Variants in CFAP221 observed in about 807,000 individuals in gnomAD.
CFAP221 encodes cilia and flagella associated protein 221.
A neutral mutation model predicts 113.1 loss-of-function variants in CFAP221; 97 were observed. The observed-to-expected ratio is 0.86, with a 90% CI of 0.73 to 1.02. The LOEUF is 1.02. Ranked by LOEUF, CFAP221 falls within the 50% of genes least tolerant of loss-of-function variation. The pLI is 0.00. For synonymous variants in CFAP221, 331 were observed against 354.4 expected (o/e 0.93, Z 0.74); for missense variants, 1,025 against 1,013.4 (o/e 1.01, Z -0.16).
At chr2:119,558,265 A>G (rs963467603) in intron 3 of CFAP221, among the ~76,000 whole-genome samples, 3 of 152,000 alleles carry the variant, frequency 2.0e-5, no homozygotes, top group African/African-American at 4.8e-5. Flanking sequence ...TCATCCCAGG[A>G]CTCTGAGTGT....
At chr2:119,631,210 T>C (rs1165830585) in intron 19 of CFAP221, 1 of 554,402 alleles carries the variant, frequency 1.8e-6, no homozygotes, top group African/African-American at 2.0e-5. Flanking sequence ...TGAATGAAAA[T>C]GAAAACAAAC....
chr2:119,656,268 T>C, intron 23 of CFAP221, 94 bp from the exon 24 acceptor site: 1 of 905,320 alleles, frequency 1.1e-6, no homozygotes, highest in Non-Finnish European at 1.8e-6. Context: ...AACGAAATGC[T>C]CCTCCGACCT....
At chr2:119,641,268 C>T (rs376669380) in intron 21 of CFAP221, among the ~76,000 whole-genome samples, 20 of 152,248 alleles carry the variant, frequency 1.3e-4, no homozygotes, top group South Asian at 8.3e-4. Context: ...GATTAGCATG[C>T]GGTAAACAAA....
At chr2:119,553,194 T>G (rs958860417) in intron 3 of CFAP221, among the ~76,000 whole-genome samples, 4 of 152,090 alleles carry the variant, frequency 2.6e-5, no homozygotes, top group Non-Finnish European at 4.4e-5. Flanking sequence ...AGGAGGGTGT[T>G]GGAGGCGTGT....
Position 119,627,641 on chromosome 2 carries a change from T to A in CFAP221, c.1517-12T>A, listed in dbSNP as rs751657649. 6.2e-7 allele frequency: 1 copy of A among 1,612,194 alleles called. No homozygotes were observed. The highest frequency in any genetic ancestry group is 8.5e-7 in the Non-Finnish European group (1 of 1,179,206). On this transcript the variant is annotated splice_polypyrimidine_tract_variant and intron_variant, in intron 15 of 23. Coordinates refer to ENST00000413369, the MANE Select transcript of CFAP221 (RefSeq NM_001271049.2). ...TAGTACCCCCTAAAAGTGCCCTTTT[T>A]TTCACCCATAGAGGCGAATTTCTTC...
chr2:119,633,010 A>G (rs1458891260), intron 19 of CFAP221, among the ~76,000 whole-genome samples: 1 of 152,122 alleles, frequency 6.6e-6, no homozygotes, highest in Admixed American at 6.5e-5. Flanking sequence ...ATGGAGAAAT[A>G]AACAGATTAA....
Position 119,604,894 on chromosome 2 carries a change from C to G in CFAP221, c.931C>G (p.Leu311Val). The G allele has an allele frequency of 6.2e-7, 1 of 1,614,074 alleles. No individual in the cohort carries two copies. Among genetic ancestry groups the G allele is most frequent in the Non-Finnish European group, 8.5e-7 (1 of 1,179,990 alleles). ...QKVKEIEYQN[L>V]RFPVDLSNPF... ...CTCTTAGGAAATTGAGTACCAGAAC[C>G]TCAGATTTCCAGTAGATTTATCGAA... Residue 311 changes from leucine to valine, a missense_variant, in exon 10 of 24, where the codon CTC becomes GTC. Leu to Val is a conservative substitution (Grantham distance 32). Coordinates refer to ENST00000413369, the MANE Select transcript of CFAP221 (RefSeq NM_001271049.2).
chr2:119,555,645 A>G (rs1247684885), intron 3 of CFAP221, among the ~76,000 whole-genome samples: 1 of 152,224 alleles, frequency 6.6e-6, no homozygotes, highest in Non-Finnish European at 1.5e-5. Context: ...CAGGAAATGC[A>G]GGCTGGGCAC....
At chr2:119,611,904 G>C (rs898769377) in intron 13 of CFAP221, among the ~76,000 whole-genome samples, 162 bp downstream of exon 13, 1 of 152,174 alleles carries the variant, frequency 6.6e-6, no homozygotes, top group African/African-American at 2.4e-5. Context: ...TGCAAGTAAA[G>C]CATCAAAACT....
chr2:119,643,479 G>A (rs1350818436), intron 21 of CFAP221, among the ~76,000 whole-genome samples: 1 of 152,188 alleles, frequency 6.6e-6, no homozygotes, highest in Admixed American at 6.5e-5. Context: ...TGAGTGAAAT[G>A]TCCAGAAGAA....
chr2:119,618,611 G>A (rs1051092662), intron 14 of CFAP221, among the ~76,000 whole-genome samples: 3 of 152,112 alleles, frequency 2.0e-5, no homozygotes, highest in African/African-American at 4.8e-5. Context: ...AGATTCCTTC[G>A]GGTGCCTACA....
intron 6 of CFAP221, among the ~76,000 whole-genome samples, chr2:119,585,839 A>G (rs1489496309): frequency 1.3e-5 from 2 of 152,212 alleles, no homozygotes; most frequent in Non-Finnish European, 2.9e-5. Context: ...CTTTGCCTTC[A>G]TAGGACTCTG....
intron 8 of CFAP221, among the ~76,000 whole-genome samples, chr2:119,603,543 GGGT>G (rs1490312570): frequency 6.6e-6 from 1 of 152,152 alleles, no homozygotes; most frequent in Non-Finnish European, 1.5e-5. Flanking sequence ...CCTGTTCAGT[GGGT>G]GGTCAGCAAA....
chr2:119,649,778 T>C (rs1399621871), intron 22 of CFAP221, among the ~76,000 whole-genome samples: 1 of 152,146 alleles, frequency 6.6e-6, no homozygotes, highest in Non-Finnish European at 1.5e-5. Context: ...CTGTTGTTTA[T>C]CTTAGGATGT....
At chr2:119,546,759 T>A (rs1253010222) in intron 2 of CFAP221, among the ~76,000 whole-genome samples, 1 of 152,242 alleles carries the variant, frequency 6.6e-6, no homozygotes, top group Non-Finnish European at 1.5e-5. Context: ...TTTCCAGCTC[T>A]GGCTACATGA....
intron 19 of CFAP221, among the ~76,000 whole-genome samples, chr2:119,636,710 C>T (rs1028662349): frequency 1.3e-4 from 20 of 152,266 alleles, no homozygotes; most frequent in Admixed American, 3.3e-4. Flanking sequence ...GAAGGGCCTG[C>T]GGAACCACTG....
intron 6 of CFAP221, among the ~76,000 whole-genome samples, chr2:119,581,871 C>G (rs971262949): frequency 6.6e-6 from 1 of 151,814 alleles, no homozygotes; most frequent in African/African-American, 2.4e-5. Context: ...TTGAGACCAG[C>G]CTGGGCAACA....
intron 7 of CFAP221, among the ~76,000 whole-genome samples, chr2:119,587,892 A>T (rs1286664838): frequency 6.6e-6 from 1 of 152,244 alleles, no homozygotes; most frequent in Non-Finnish European, 1.5e-5. Flanking sequence ...CCAACAAATG[A>T]GTGTTTAAAG....
At chr2:119,567,314 A>G (rs1681723599) in intron 6 of CFAP221, among the ~76,000 whole-genome samples, 2 of 151,922 alleles carry the variant, frequency 1.3e-5, no homozygotes. Context: ...ACCACTGTTT[A>G]TTTTTTTTAC....
Sources: allele counts gnomAD v4.1 joint callset (sites outside exome capture counted in the v4.1 genomes callset), GRCh38; gene constraint gnomAD v4.1.1; transcripts MANE v1.5; gene names NCBI Gene and HGNC (gene_info 2026-07-23, HGNC 2026-07-21).